The following FHIT variants were observed in gnomAD, a reference collection of about 807,000 sequenced individuals.
The protein encoded by FHIT is fragile histidine triad diadenosine triphosphatase, also known as bis(5'-adenosyl)-triphosphatase.
In FHIT, 19 loss-of-function variants were observed where a neutral mutation model predicts 17.9. That is an observed-to-expected ratio of 1.06 (90% CI 0.74 to 1.56). The LOEUF (loss-of-function observed/expected upper bound fraction) is 1.56. Ranked by LOEUF, FHIT falls within the 40% of genes most tolerant of loss-of-function variation. The pLI, the probability that FHIT is intolerant of heterozygous loss-of-function variation, is 0.00. For synonymous variants in FHIT, 81 were observed against 69.7 expected, an observed-to-expected ratio of 1.16 and a Z score of -0.81; for missense variants, 248 against 189.2, an observed-to-expected ratio of 1.31 and a Z score of -1.82.
chr3:59,943,169 C>A (rs546835333), intron 7 of FHIT, among the ~76,000 whole-genome samples: 2 of 152,080 alleles, frequency 1.3e-5, no homozygotes, highest in African/African-American at 4.8e-5. Context: ...AGTGCTTGCA[C>A]GATGCAGGTA....
chr3:60,219,284 C>A (rs375996642), intron 5 of FHIT, among the ~76,000 whole-genome samples: 2 of 152,098 alleles, frequency 1.3e-5, no homozygotes, highest in East Asian at 3.9e-4. Context: ...GGCCACTGGA[C>A]TCTTGGAAAG....
intron 5 of FHIT, among the ~76,000 whole-genome samples, chr3:60,272,379 A>C (rs1003987848): frequency 3.3e-5 from 5 of 152,216 alleles, no homozygotes; most frequent in Non-Finnish European, 7.3e-5. Context: ...AATTATATAG[A>C]AGATCTGCAA....
intron 3 of FHIT, among the ~76,000 whole-genome samples, chr3:60,870,378 G>A (rs1704360076): frequency 6.6e-6 from 1 of 152,168 alleles, no homozygotes; most frequent in Non-Finnish European, 1.5e-5. Context: ...GCTACAAAGA[G>A]ATGTTGGCAG....
At chr3:60,431,850 C>T (rs1274011567) in intron 5 of FHIT, among the ~76,000 whole-genome samples, 2 of 152,052 alleles carry the variant, frequency 1.3e-5, no homozygotes, top group African/African-American at 4.8e-5. Context: ...ACAAAATTAA[C>T]TGTTGCCCCA....
At chr3:60,357,140 A>T (rs1026241888) in intron 5 of FHIT, among the ~76,000 whole-genome samples, 6 of 152,236 alleles carry the variant, frequency 3.9e-5, no homozygotes, top group African/African-American at 1.4e-4. Context: ...TCAAGTGATT[A>T]AGAAACTCCG....
At chr3:61,089,921 C>G (rs371121259) in intron 2 of FHIT, among the ~76,000 whole-genome samples, 5 of 152,278 alleles carry the variant, frequency 3.3e-5, no homozygotes, top group African/African-American at 1.2e-4. Context: ...ATATTCCCTT[C>G]GCAGAAATCT....
At chr3:60,658,705 C>T (rs1394773120) in intron 4 of FHIT, among the ~76,000 whole-genome samples, 4 of 151,828 alleles carry the variant, frequency 2.6e-5, no homozygotes, top group Non-Finnish European at 5.9e-5. Context: ...GAGTTACAAA[C>T]CAAAGTTACA....
intron 4 of FHIT, among the ~76,000 whole-genome samples, chr3:60,793,847 G>A (rs368967386): frequency 3.3e-5 from 5 of 152,288 alleles, no homozygotes; most frequent in African/African-American, 1.2e-4. Flanking sequence ...AGCAGACCTA[G>A]TGAAGCCAGC....
At chr3:60,099,954 G>A (rs918946618) in intron 5 of FHIT, among the ~76,000 whole-genome samples, 2 of 152,156 alleles carry the variant, frequency 1.3e-5, no homozygotes, top group African/African-American at 2.4e-5. Flanking sequence ...GAAGTGCTCC[G>A]TAAATGGTTG....
intron 3 of FHIT, among the ~76,000 whole-genome samples, chr3:60,977,320 G>A (rs1710301394): frequency 6.6e-6 from 1 of 152,148 alleles, no homozygotes; most frequent in South Asian, 2.1e-4. Context: ...ACCAAAATGA[G>A]CCACTCTGAA....
At chr3:60,275,875 G>A (rs944056033) in intron 5 of FHIT, among the ~76,000 whole-genome samples, 2 of 152,098 alleles carry the variant, frequency 1.3e-5, no homozygotes, top group African/African-American at 2.4e-5. Flanking sequence ...TTCTTTTTAT[G>A]TGTGCACAAA....
At chr3:60,802,194 A>G (rs1187172529) in intron 4 of FHIT, among the ~76,000 whole-genome samples, 2 of 152,190 alleles carry the variant, frequency 1.3e-5, no homozygotes, top group African/African-American at 4.8e-5. Context: ...GAAGAACTCA[A>G]ATGGTTGTGG....
At chr3:60,922,290 A>G (rs1185607095) in intron 3 of FHIT, among the ~76,000 whole-genome samples, 1 of 152,210 alleles carries the variant, frequency 6.6e-6, no homozygotes, top group Non-Finnish European at 1.5e-5. Flanking sequence ...TCATCTCCCC[A>G]TGCGGGCACC....
intron 5 of FHIT, among the ~76,000 whole-genome samples, chr3:60,461,114 T>A (rs918088238): frequency 3.9e-5 from 6 of 152,178 alleles, no homozygotes; most frequent in Non-Finnish European, 5.9e-5. Flanking sequence ...CTAATAAAAA[T>A]TTTTTCTTCA....
chr3:60,269,028 G>C (rs985193621), intron 5 of FHIT, among the ~76,000 whole-genome samples: 2 of 152,148 alleles, frequency 1.3e-5, no homozygotes, highest in Admixed American at 6.5e-5. Context: ...AGCTTCCAGA[G>C]GAAACACAGC....
At chr3:59,949,384 T>A (rs1231983242) in intron 7 of FHIT, among the ~76,000 whole-genome samples, 1 of 152,222 alleles carries the variant, frequency 6.6e-6, no homozygotes, top group Non-Finnish European at 1.5e-5. Flanking sequence ...TCACTCAGTG[T>A]CTTGCTAACA....
At chr3:59,814,809 C>T (rs932471605) in intron 8 of FHIT, among the ~76,000 whole-genome samples, 2 of 152,144 alleles carry the variant, frequency 1.3e-5, no homozygotes, top group African/African-American at 2.4e-5. Context: ...ATTGCCTTTT[C>T]TTGTGTAGTT....
At chr3:60,062,142 C>T (rs981766709) in intron 5 of FHIT, among the ~76,000 whole-genome samples, 2 of 152,074 alleles carry the variant, frequency 1.3e-5, no homozygotes, top group Admixed American at 6.5e-5. Context: ...CAAAAGATCA[C>T]CAATCAATAA....
intron 2 of FHIT, among the ~76,000 whole-genome samples, chr3:61,186,956 C>T (rs1258011337): frequency 6.6e-6 from 1 of 152,112 alleles, no homozygotes; most frequent in East Asian, 1.9e-4. Flanking sequence ...TTGATGTTTC[C>T]TAAATAAGAT....
Sources: allele counts gnomAD v4.1 joint callset (sites outside exome capture counted in the v4.1 genomes callset), GRCh38; gene constraint gnomAD v4.1.1; transcripts MANE v1.5; gene names NCBI Gene and HGNC (gene_info 2026-07-23, HGNC 2026-07-21).